Variants in B3GALNT2 observed in about 807,000 individuals in gnomAD.
B3GALNT2 encodes UDP-GalNAc:beta-1,3-N-acetylgalactosaminyltransferase 2.
Under a neutral mutation model 61.1 loss-of-function variants are expected in B3GALNT2, and 53 were observed. That is an observed-to-expected ratio of 0.87 (90% CI 0.70 to 1.09). B3GALNT2 has a LOEUF of 1.09. Among genes scored for constraint, B3GALNT2 ranks in the 50% least tolerant of loss-of-function variants. B3GALNT2 has a pLI of 0.00. For synonymous variants in B3GALNT2, 223 were observed against 237.4 expected (o/e 0.94, Z 0.56); for missense variants, 544 against 623.0 (o/e 0.87, Z 1.35).
At chr1:235,471,012 G>A (rs746990056) in intron 5 of B3GALNT2, 52 bp from the exon 6 acceptor site, 1 of 1,581,218 alleles carries the variant, frequency 6.3e-7, no homozygotes, top group South Asian at 1.2e-5. Flanking sequence ...TGTCATTTAG[G>A]TTTTAAGTAT....
chr1:235,481,953 C>A (rs1684581348), intron 4 of B3GALNT2, among the ~76,000 whole-genome samples: 1 of 152,064 alleles, frequency 6.6e-6, no homozygotes, highest in African/African-American at 2.4e-5. Context: ...AAGAACAGGG[C>A]AAATTCCAAA....
chr1:235,471,534 A>G (rs1273488043), intron 5 of B3GALNT2, among the ~76,000 whole-genome samples: 1 of 152,172 alleles, frequency 6.6e-6, no homozygotes, highest in Non-Finnish European at 1.5e-5. Context: ...AACTTTTACT[A>G]ATTTATAGGG....
At chr1:235,503,834 G>C (rs991761565) in intron 1 of B3GALNT2, among the ~76,000 whole-genome samples, 6 of 152,200 alleles carry the variant, frequency 3.9e-5, no homozygotes, top group African/African-American at 1.4e-4. Context: ...CCGGGCGAAC[G>C]GGCGGCGTCG....
intron 2 of B3GALNT2, among the ~76,000 whole-genome samples, chr1:235,490,197 T>C (rs763465326): frequency 1.3e-5 from 2 of 152,194 alleles, no homozygotes; most frequent in African/African-American, 4.8e-5. Flanking sequence ...TGGCTTCAAA[T>C]AGCATGGGAA....
intron 5 of B3GALNT2, among the ~76,000 whole-genome samples, chr1:235,475,171 G>A (rs1465168104): frequency 6.7e-6 from 1 of 150,274 alleles, no homozygotes; most frequent in African/African-American, 2.4e-5. Flanking sequence ...CTAATTTTTT[G>A]TATTTTTAGT....
chr1:235,483,061 C>A, intron 4 of B3GALNT2, among the ~76,000 whole-genome samples: 1 of 151,762 alleles, frequency 6.6e-6, no homozygotes, highest in African/African-American at 2.4e-5. Flanking sequence ...GAAATAGAAA[C>A]AGTAAAAAAG....
In B3GALNT2 at chr1:235,496,547, CT is replaced by C. The variant is rs1396277043; in HGVS notation, c.113-1720del. 9.0e-3 allele frequency among the ~76,000 whole-genome samples: 1,202 copies of C among 133,336 alleles called. 2 individuals carry two copies. Among genetic ancestry groups the C allele is most frequent in the African/African-American group, 0.015 (530 of 36,528 alleles). 87.5% of individuals were successfully genotyped at this position (133,336 alleles called of 152,430 possible). On this transcript the variant is annotated intron_variant, in intron 1 of 11. Transcript: ENST00000366600. Reference sequence around the variant, plus strand: ...AACCCTATGAGGTAGGTACTTGTTTCTTTTTTTTTTTTTTTTTGACGGAGTC... The same window carrying C: ...AACCCTATGAGGTAGGTACTTGTTTCTTTTTTTTTTTTTTTTGACGGAGTC...
chr1:235,500,289 T>TC (rs1685527613), intron 1 of B3GALNT2, among the ~76,000 whole-genome samples: 1 of 152,138 alleles, frequency 6.6e-6, no homozygotes, highest in South Asian at 2.1e-4. Flanking sequence ...GGTCAGGAGT[T>TC]CGAGACCAGC....
At chr1:235,441,990 C>A in the B3GALNT2 span, 1 of 957,782 alleles carries the variant, frequency 1.0e-6, no homozygotes, top group Non-Finnish European at 1.6e-6. Flanking sequence ...AAGTAAATGC[C>A]TTGAGTTTTA....
In B3GALNT2 at chr1:235,450,300, A is replaced by T. The variant is rs1682819380; in HGVS notation, c.1409T>A (p.Met470Lys). The T allele has an allele frequency of 6.2e-7, 1 of 1,613,906 alleles. No homozygotes were observed. ...CGGAGAATACTGAGGAGAAGACAGC[A>T]TTCCTGTCTCACAGGTCTTCTCACA... The part of the protein sequence containing the change: ...WLCEKTCETG[M>K]LSSPQYSPWE... Residue 470 changes from methionine (M) to lysine (K), a missense_variant, in exon 12 of 12, where the codon ATG becomes AAG. Transcript: ENST00000366600.
chr1:235,470,898 G>A lies in B3GALNT2; in HGVS notation c.714C>T (p.Leu238=). The A allele has an allele frequency of 6.2e-7, 1 of 1,614,044 alleles. No homozygotes were observed. Among genetic ancestry groups the A allele is most frequent in the Non-Finnish European group, 8.5e-7 (1 of 1,180,006 alleles). ...QDLHGLVSRN[L]HKVTVNDGGG... The stretch of plus-strand genomic sequence containing the variant: ...CTCCATCATTCACTGTCACTTTGTG[G>A]AGATTTCTTGACACAAGGCCGTGGA... Residue 238 remains leucine, a synonymous_variant, in exon 6 of 12, where the codon CTC becomes CTT. Transcript: ENST00000366600.
chr1:235,446,980 T>G (rs979793587), downstream of B3GALNT2, among the ~76,000 whole-genome samples: 32 of 152,150 alleles, frequency 2.1e-4, no homozygotes, highest in African/African-American at 7.7e-4. Context: ...AGATTTCTTA[T>G]TAGAACTGTT....
At chr1:235,489,126 C>G (rs771693213) in intron 3 of B3GALNT2, 42 bp downstream of exon 3, 2 of 1,606,522 alleles carry the variant, frequency 1.2e-6, no homozygotes, top group East Asian at 4.5e-5. Flanking sequence ...TTTTACTCAA[C>G]ATCAAGCTTG....
downstream of B3GALNT2, among the ~76,000 whole-genome samples, chr1:235,445,920 C>T (rs1435083933): frequency 1.3e-5 from 2 of 152,142 alleles, no homozygotes; most frequent in Non-Finnish European, 1.5e-5. Context: ...CGTGTGTCAC[C>T]GAGGAGAGTG....
At chr1:235,479,902 A>G (rs1684475377) in intron 5 of B3GALNT2, 152 bp downstream of exon 5, 2 of 1,334,110 alleles carry the variant, frequency 1.5e-6, no homozygotes, top group Non-Finnish European at 2.0e-6. Flanking sequence ...ACAGAGTGCT[A>G]TGTTTTAGCC....
At position 235,484,527 on chromosome 1, in the gene B3GALNT2, G is replaced by A. The variant is rs546633200; in HGVS notation, c.362-12C>T. On this transcript the variant is annotated splice_polypyrimidine_tract_variant and intron_variant, in intron 3 of 11. Transcript: ENST00000366600. ...TTCCTGATTCAAAACTAAGTAATGA[G>A]AACAGGTTTATATAACTGAACAAAT... The A allele has an allele frequency of 4.5e-5, 72 of 1,613,144 alleles. No homozygotes were observed. In the East Asian group the frequency reaches 1.5e-3, roughly 34 times the overall value.
At chr1:235,499,052 T>C (rs1685467240) in intron 1 of B3GALNT2, among the ~76,000 whole-genome samples, 1 of 152,086 alleles carries the variant, frequency 6.6e-6, no homozygotes, top group Non-Finnish European at 1.5e-5. Flanking sequence ...TAGTGTCACC[T>C]ATTAATAGCG....
At chr1:235,458,276 C>A (rs1683260186) in intron 8 of B3GALNT2, among the ~76,000 whole-genome samples, 1 of 152,078 alleles carries the variant, frequency 6.6e-6, no homozygotes, top group Admixed American at 6.6e-5. Context: ...ATCTTAGAAG[C>A]TCAGTTTTCG....
At chr1:235,495,956 G>C (rs1014378448) in intron 1 of B3GALNT2, among the ~76,000 whole-genome samples, 2 of 152,228 alleles carry the variant, frequency 1.3e-5, no homozygotes, top group Middle Eastern at 6.8e-3. Context: ...TAGTTTTAAG[G>C]ATATAATACA....
Sources: allele counts gnomAD v4.1 joint callset (sites outside exome capture counted in the v4.1 genomes callset), GRCh38; gene constraint gnomAD v4.1.1; transcripts MANE v1.5; gene names NCBI Gene and HGNC (gene_info 2026-07-23, HGNC 2026-07-21).